The following TNIK variants were observed in gnomAD, a reference collection of about 807,000 sequenced individuals.
TNIK encodes the protein TRAF2 and NCK interacting kinase.
TNIK carries 49 observed loss-of-function variants against 191.3 expected under a neutral mutation model. The ratio of observed to expected loss-of-function variants is 0.26; its 90% CI spans 0.20 to 0.32. The LOEUF (loss-of-function observed/expected upper bound fraction) is 0.32. Among genes scored for constraint, TNIK ranks in the 10% least tolerant of loss-of-function variants. The pLI, the probability that TNIK is intolerant of heterozygous loss-of-function variation, is 1.00. For synonymous variants in TNIK, 594 were observed against 600.9 expected, an observed-to-expected ratio of 0.99 and a Z score of 0.17; for missense variants, 1,155 against 1,702.3, an observed-to-expected ratio of 0.68 and a Z score of 5.66.
At chr3:171,374,617 G>C (rs1716970312) in intron 1 of TNIK, among the ~76,000 whole-genome samples, 1 of 152,194 alleles carries the variant, frequency 6.6e-6, no homozygotes, top group Admixed American at 6.5e-5. Flanking sequence ...CCTTTGCTGG[G>C]AGGGTGAGAA....
At chr3:171,434,631 A>T (rs1042601732) in intron 1 of TNIK, among the ~76,000 whole-genome samples, 6 of 151,922 alleles carry the variant, frequency 3.9e-5, no homozygotes, top group East Asian at 2.0e-4. Context: ...TTAATTTTTT[A>T]AAATTGTTTT....
At chr3:171,236,240 A>G (rs1044759315) in intron 2 of TNIK, among the ~76,000 whole-genome samples, 1 of 152,188 alleles carries the variant, frequency 6.6e-6, no homozygotes, top group Admixed American at 6.5e-5. Context: ...GTGATCCATC[A>G]GGGGCTACAC....
intron 2 of TNIK, among the ~76,000 whole-genome samples, chr3:171,306,961 G>GA (rs1385361280): frequency 1.3e-5 from 2 of 152,034 alleles, no homozygotes; most frequent in East Asian, 3.9e-4. Context: ...CAAGCCCCGG[G>GA]AACAAAGTCA....
chr3:171,122,017 A>C (rs2108554528), intron 18 of TNIK, among the ~76,000 whole-genome samples: 1 of 152,344 alleles, frequency 6.6e-6, no homozygotes, highest in South Asian at 2.1e-4. Flanking sequence ...AAAGTATAAT[A>C]TCCAAGTGGT....
intron 2 of TNIK, among the ~76,000 whole-genome samples, chr3:171,352,904 T>C (rs912287602): frequency 2.0e-5 from 3 of 152,152 alleles, no homozygotes; most frequent in Admixed American, 2.0e-4. Context: ...ACATCAAAGT[T>C]ATTTGATTGA....
At chr3:171,247,793 G>C (rs1391629311) in intron 2 of TNIK, among the ~76,000 whole-genome samples, 1 of 152,188 alleles carries the variant, frequency 6.6e-6, no homozygotes, top group Non-Finnish European at 1.5e-5. Flanking sequence ...GTGAAATAAA[G>C]ACTAAAAAGA....
At chr3:171,236,950 GATA>G (rs1220316423) in intron 2 of TNIK, among the ~76,000 whole-genome samples, 1 of 152,108 alleles carries the variant, frequency 6.6e-6, no homozygotes. Context: ...GGAAATAGAT[GATA>G]ATAATAATAA....
At position 171,282,334 on chromosome 3, in the gene TNIK, G is replaced by GGTTTT. The variant is rs1553878294; in HGVS notation, c.124-54114_124-54113insAAAAC. ...GAACTATCTGCAGATTCTCTTAATG[G>GGTTTT]TTTTTTGTTTTTTTTTTTTTTTTTG... On this transcript the variant is annotated intron_variant, in intron 2 of 32. Coordinates refer to ENST00000436636, the MANE Select transcript of TNIK (RefSeq NM_015028.4). Among the ~76,000 whole-genome samples the GGTTTT allele has an allele frequency of 6.0e-3, 684 of 114,400 alleles. 13 individuals are homozygous for GGTTTT. The highest frequency in any genetic ancestry group is 0.023 in the African/African-American group (659 of 28,772). 75.1% of individuals were successfully genotyped at this position (114,400 alleles called of 152,430 possible). A position where few individuals can be genotyped will look rare whatever the true frequency, so the allele number is the denominator to read the frequency against.
intron 4 of TNIK, among the ~76,000 whole-genome samples, chr3:171,199,597 A>T (rs1452743779): frequency 6.6e-6 from 1 of 152,230 alleles, no homozygotes; most frequent in Non-Finnish European, 1.5e-5. Flanking sequence ...TACAGTCTGC[A>T]CTTTATCCAT....
intron 2 of TNIK, among the ~76,000 whole-genome samples, chr3:171,277,376 T>C (rs1054678301): frequency 6.6e-6 from 1 of 152,178 alleles, no homozygotes; most frequent in Non-Finnish European, 1.5e-5. Flanking sequence ...CCTATTTCAT[T>C]GAGATTTGAA....
intron 2 of TNIK, among the ~76,000 whole-genome samples, chr3:171,255,444 T>C (rs766305191): frequency 2.6e-5 from 4 of 152,182 alleles, no homozygotes; most frequent in Non-Finnish European, 5.9e-5. Context: ...GTTTCCTGTT[T>C]TGCAAACTCC....
rs1175178677 is a variant in TNIK, at chr3:171,123,669, A to C, written c.2047T>G (p.Leu683Val). ...PQRTTSISPA[L>V]ARKNSPGNGS... ...TTCCCAGGAGAATTCTTTCTGGCTAATGCTGGGGATATAGAAGTTGTTCTT... is the reference window on the plus strand; with the variant it reads ...TTCCCAGGAGAATTCTTTCTGGCTACTGCTGGGGATATAGAAGTTGTTCTT... Residue 683 changes from leucine (L) to valine (V), a missense_variant, in exon 18 of 33, where the codon TTA becomes GTA. Coordinates refer to ENST00000436636, the MANE Select transcript of TNIK (RefSeq NM_015028.4). 1.9e-6 allele frequency: 3 copies of C among 1,575,758 alleles called. No individual in the cohort carries two copies. The highest frequency in any genetic ancestry group is 1.3e-5 in the African/African-American group (1 of 74,270).
intron 2 of TNIK, among the ~76,000 whole-genome samples, chr3:171,365,431 C>T (rs983296664): frequency 2.0e-5 from 3 of 152,044 alleles, no homozygotes; most frequent in African/African-American, 7.2e-5. Context: ...ATCTGCCCAC[C>T]TCAGCCTCCC....
chr3:171,118,785 A>G (rs1359546896), intron 18 of TNIK, among the ~76,000 whole-genome samples: 1 of 152,198 alleles, frequency 6.6e-6, no homozygotes. Flanking sequence ...TACAAAAATT[A>G]ATTCAAGATG....
chr3:171,336,371 T>C (rs544419610), intron 2 of TNIK, among the ~76,000 whole-genome samples: 1 of 152,320 alleles, frequency 6.6e-6, no homozygotes, highest in Non-Finnish European at 1.5e-5. Flanking sequence ...TGTGCCTTTC[T>C]TTTAAAAATT....
intron 15 of TNIK, among the ~76,000 whole-genome samples, chr3:171,132,724 T>C (rs1410699391): frequency 6.6e-6 from 1 of 152,212 alleles, no homozygotes; most frequent in Admixed American, 6.5e-5. Flanking sequence ...AAAACATTTA[T>C]AGAAGTAATT....
chr3:171,211,288 T>G, intron 3 of TNIK, 47 bp from the exon 4 acceptor site: 2 of 1,562,652 alleles, frequency 1.3e-6, no homozygotes, highest in Admixed American at 3.8e-5. Flanking sequence ...TCTATGGTTG[T>G]TAGTAGGATT....
intron 15 of TNIK, among the ~76,000 whole-genome samples, chr3:171,130,356 C>G (rs1729074528): frequency 6.6e-6 from 1 of 152,200 alleles, no homozygotes; most frequent in African/African-American, 2.4e-5. Flanking sequence ...TCTCTTCCCC[C>G]ACCATGGCTG....
At chr3:171,384,695 T>A (rs572698764) in intron 1 of TNIK, among the ~76,000 whole-genome samples, 2 of 152,326 alleles carry the variant, frequency 1.3e-5, no homozygotes, top group Non-Finnish European at 2.9e-5. Context: ...ATTCAGATAT[T>A]TATGGCATGA....
Sources: allele counts gnomAD v4.1 joint callset (sites outside exome capture counted in the v4.1 genomes callset), GRCh38; gene constraint gnomAD v4.1.1; transcripts MANE v1.5; gene names NCBI Gene and HGNC (gene_info 2026-07-23, HGNC 2026-07-21).